Variants in TENM2 observed in about 807,000 individuals in gnomAD.
TENM2 encodes the protein teneurin transmembrane protein 2.
In TENM2, 52 loss-of-function variants were observed where a neutral mutation model predicts 245.2. The ratio of observed to expected loss-of-function variants is 0.21; its 90% CI spans 0.17 to 0.27. The LOEUF is 0.27. TENM2 is among the 10% of genes least tolerant of loss of function. TENM2 has a pLI of 1.00. For synonymous variants in TENM2, 1,363 were observed against 1,438.9 expected, an observed-to-expected ratio of 0.95 and a Z score of 1.19; for missense variants, 3,046 against 3,666.8, an observed-to-expected ratio of 0.83 and a Z score of 4.37.
intron 3 of TENM2, among the ~76,000 whole-genome samples, chr5:167,884,669 C>T (rs879829199): frequency 5.3e-5 from 8 of 152,150 alleles, no homozygotes; most frequent in Non-Finnish European, 7.3e-5. Context: ...CTAGACACTT[C>T]GGTGGTTTCT....
intron 1 of TENM2, among the ~76,000 whole-genome samples, chr5:167,316,747 T>C (rs1190780596): frequency 6.6e-6 from 1 of 152,192 alleles, no homozygotes; most frequent in African/African-American, 2.4e-5. Flanking sequence ...TTTTTCTGTC[T>C]TTTTAAAGCT....
chr5:167,526,041 T>G (rs139827098), intron 2 of TENM2, among the ~76,000 whole-genome samples: 1 of 152,156 alleles, frequency 6.6e-6, no homozygotes, highest in Admixed American at 6.6e-5. Context: ...TGGGTCTCCT[T>G]GTAAATGGCC....
rs1193341076 is a variant in TENM2, at chr5:167,646,135, TTTATATATATATGTTGTTTTC to T, written c.503-229850_503-229830del. 1.8e-3 allele frequency among the ~76,000 whole-genome samples: 250 copies of T among 141,934 alleles called. 2 individuals are homozygous for T. The East Asian group carries it at 0.032, about 18-fold the overall frequency. The allele number at this position is 141,934 out of a possible 152,430, so 93.1% of individuals were successfully genotyped here. A position where few individuals can be genotyped will look rare whatever the true frequency, so the allele number is the denominator to read the frequency against. On this transcript the variant is annotated intron_variant, in intron 2 of 28. Transcript: ENST00000518659. ...ACATATATATGTGCATATATATGTT[TTTATATATATATGTTGTTTTC>T]ATATATATATATGTTGTTTTCATAT...
chr5:167,279,379 GATGAC>G, the TENM2 span, among the ~76,000 whole-genome samples: 32 of 152,192 alleles, frequency 2.1e-4, no homozygotes, highest in Admixed American at 2.1e-3. Flanking sequence ...CTGGGACTCT[GATGAC>G]ATGAACATTA....
chr5:167,764,675 G>A (rs1190025708), intron 2 of TENM2, among the ~76,000 whole-genome samples: 1 of 152,140 alleles, frequency 6.6e-6, no homozygotes, highest in African/African-American at 2.4e-5. Context: ...GGCCGGTGAG[G>A]ATTGACTCTT....
intron 2 of TENM2, among the ~76,000 whole-genome samples, chr5:167,599,354 T>C (rs181291900): frequency 2.4e-4 from 37 of 151,560 alleles, no homozygotes; most frequent in Non-Finnish European, 4.1e-4. Flanking sequence ...TTTAATTGAT[T>C]TTTTTTTTAC....
chr5:167,686,279 A>G (rs1383198326), intron 2 of TENM2, among the ~76,000 whole-genome samples: 2 of 152,212 alleles, frequency 1.3e-5, no homozygotes, highest in African/African-American at 4.8e-5. Context: ...TGTGGAGCCT[A>G]TGACTTTTCC....
At chr5:167,234,744 T>C in the TENM2 span, among the ~76,000 whole-genome samples, 10 of 152,302 alleles carry the variant, frequency 6.6e-5, no homozygotes, top group South Asian at 2.1e-3. Context: ...AAACTAAGCA[T>C]TGTGGCTTGT....
chr5:167,302,758 T>C (rs1385047836), intron 1 of TENM2, among the ~76,000 whole-genome samples: 2 of 151,658 alleles, frequency 1.3e-5, no homozygotes, highest in East Asian at 2.0e-4. Flanking sequence ...AGAAGGGGTA[T>C]TGACATGGAG....
At chr5:168,238,002 G>A (rs912976902) in intron 25 of TENM2, among the ~76,000 whole-genome samples, 3 of 151,262 alleles carry the variant, frequency 2.0e-5, no homozygotes, top group Non-Finnish European at 4.4e-5. Flanking sequence ...AAAATTAGCT[G>A]GGCATGGTGG....
chr5:167,905,601 T>C (rs896318941), intron 3 of TENM2, among the ~76,000 whole-genome samples: 1 of 152,204 alleles, frequency 6.6e-6, no homozygotes, highest in Non-Finnish European at 1.5e-5. Context: ...TATAAGAATA[T>C]ACCAGTGTGT....
At chr5:167,341,907 C>T (rs558927215) in intron 1 of TENM2, among the ~76,000 whole-genome samples, 6 of 152,208 alleles carry the variant, frequency 3.9e-5, no homozygotes, top group African/African-American at 1.4e-4. Context: ...TCCCCAAATA[C>T]TCATAATTTT....
intron 2 of TENM2, among the ~76,000 whole-genome samples, chr5:167,651,978 C>T (rs188275950): frequency 5.0e-4 from 76 of 152,320 alleles, no homozygotes; most frequent in African/African-American, 1.8e-3. Context: ...CTCTCTCCCA[C>T]TACTTAATTG....
the TENM2 span, among the ~76,000 whole-genome samples, chr5:167,118,994 A>G: frequency 6.6e-6 from 1 of 152,154 alleles, no homozygotes; most frequent in South Asian, 2.1e-4. Flanking sequence ...TCAACCAGGG[A>G]TTGTTCCTGT....
the TENM2 span, among the ~76,000 whole-genome samples, chr5:167,000,019 A>G: frequency 6.6e-6 from 1 of 152,190 alleles, no homozygotes; most frequent in Non-Finnish European, 1.5e-5. Flanking sequence ...AAACCAAGGC[A>G]GAGAAGACTT....
chr5:167,085,357 TTAGG>T, the TENM2 span, among the ~76,000 whole-genome samples: 2 of 152,214 alleles, frequency 1.3e-5, no homozygotes. Flanking sequence ...ATAATGATTG[TTAGG>T]TAGCCTGAGA....
At chr5:167,942,046 A>G (rs1002715604) in intron 3 of TENM2, among the ~76,000 whole-genome samples, 9 of 152,082 alleles carry the variant, frequency 5.9e-5, no homozygotes, top group African/African-American at 2.2e-4. Context: ...CATCTCTACT[A>G]AAAATACAAA....
chr5:167,416,858 G>A (rs372094080), intron 2 of TENM2, among the ~76,000 whole-genome samples: 90 of 152,008 alleles, frequency 5.9e-4, no homozygotes, highest in South Asian at 2.3e-3. Flanking sequence ...ATAATCGATC[G>A]CTTTTATTTC....
chr5:167,016,026 G>A, the TENM2 span, among the ~76,000 whole-genome samples: 6 of 152,094 alleles, frequency 3.9e-5, no homozygotes, highest in South Asian at 2.1e-4. Context: ...AGGCCAAGGC[G>A]GGCGGATCAC....
Sources: allele counts gnomAD v4.1 joint callset (sites outside exome capture counted in the v4.1 genomes callset), GRCh38; gene constraint gnomAD v4.1.1; transcripts MANE v1.5; gene names NCBI Gene and HGNC (gene_info 2026-07-23, HGNC 2026-07-21).